The following PDE7B variants were observed in gnomAD, a reference collection of about 807,000 sequenced individuals.
PDE7B encodes 3',5'-cyclic-AMP phosphodiesterase 7B.
In PDE7B, 29 loss-of-function variants were observed where a neutral mutation model predicts 56.2. The ratio of observed to expected loss-of-function variants is 0.52; its 90% CI spans 0.38 to 0.70. The LOEUF (loss-of-function observed/expected upper bound fraction) is 0.70. Among genes scored for constraint, PDE7B ranks in the 30% least tolerant of loss-of-function variants. PDE7B has a pLI of 0.00. For synonymous variants in PDE7B, 197 were observed against 196.9 expected, an observed-to-expected ratio of 1.00 and a Z score of 0.00; for missense variants, 490 against 565.0, an observed-to-expected ratio of 0.87 and a Z score of 1.35.
At chr6:135,918,640 ATAAAT>A (rs1011436838) in intron 1 of PDE7B, among the ~76,000 whole-genome samples, 5 of 152,128 alleles carry the variant, frequency 3.3e-5, no homozygotes, top group African/African-American at 9.6e-5. Flanking sequence ...TAAATTTTAA[ATAAAT>A]TAAAAAATAT....
At chr6:135,870,101 G>T (rs538117142) in intron 1 of PDE7B, among the ~76,000 whole-genome samples, 1 of 152,172 alleles carries the variant, frequency 6.6e-6, no homozygotes, top group Non-Finnish European at 1.5e-5. Flanking sequence ...GGCTAGGGAC[G>T]ACATCATAAG....
chr6:136,156,833 T>A (rs1051173272), intron 8 of PDE7B, among the ~76,000 whole-genome samples: 1 of 152,188 alleles, frequency 6.6e-6, no homozygotes, highest in African/African-American at 2.4e-5. Context: ...TGTCAAAAAA[T>A]TGTGATCCCT....
Position 136,186,272 on chromosome 6 carries a change from A to C in PDE7B, c.1046-764A>C, listed in dbSNP as rs188501119. ...CTCTACTAAAAATAAAAATTTAAAA[A>C]TATACATTAGCCGGGCATGGTGGTG... On this transcript the variant is annotated intron_variant, in intron 11 of 12. Coordinates refer to ENST00000308191, the MANE Select transcript of PDE7B (RefSeq NM_018945.4). Among the ~76,000 whole-genome samples, 333 of 152,064 alleles carry C rather than the reference A, an allele frequency of 2.2e-3. 3 individuals are homozygous for C. The highest frequency in any genetic ancestry group is 2.6e-3 in the Non-Finnish European group (178 of 67,984).
At chr6:136,048,612 T>G (rs1776563661) in intron 2 of PDE7B, among the ~76,000 whole-genome samples, 1 of 152,316 alleles carries the variant, frequency 6.6e-6, no homozygotes, top group East Asian at 1.9e-4. Context: ...TGGCCTCATC[T>G]GTCTTTCTGA....
chr6:135,942,405 A>G (rs1774520936), intron 1 of PDE7B, among the ~76,000 whole-genome samples: 1 of 152,198 alleles, frequency 6.6e-6, no homozygotes. Flanking sequence ...TGTGTACAGC[A>G]TGATGCTTTG....
intron 1 of PDE7B, among the ~76,000 whole-genome samples, chr6:135,911,794 A>T (rs960832701): frequency 6.6e-6 from 1 of 152,236 alleles, no homozygotes; most frequent in Non-Finnish European, 1.5e-5. Flanking sequence ...GTACTACAAG[A>T]CTTCAAAGAG....
chr6:135,961,251 GTATA>G (rs774977841), intron 2 of PDE7B, among the ~76,000 whole-genome samples: 4 of 147,218 alleles, frequency 2.7e-5, no homozygotes, highest in African/African-American at 7.6e-5. Flanking sequence ...GTCATAGAGT[GTATA>G]TGTGTGTGTG....
At chr6:136,086,942 T>C (rs969397646) in intron 2 of PDE7B, among the ~76,000 whole-genome samples, 18 of 152,302 alleles carry the variant, frequency 1.2e-4, no homozygotes, top group African/African-American at 4.1e-4. Context: ...ACTGTGGGCA[T>C]CGTGCGCCAG....
At chr6:135,974,093 A>G (rs1393504101) in intron 2 of PDE7B, among the ~76,000 whole-genome samples, 1 of 152,222 alleles carries the variant, frequency 6.6e-6, no homozygotes, top group Non-Finnish European at 1.5e-5. Flanking sequence ...TGTTCTTTTC[A>G]GATGCCTAGA....
chr6:135,872,270 G>T (rs548219577), intron 1 of PDE7B, among the ~76,000 whole-genome samples: 4 of 152,220 alleles, frequency 2.6e-5, no homozygotes, highest in South Asian at 4.1e-4. Flanking sequence ...TATTCTCACA[G>T]CATCATTCAG....
intron 1 of PDE7B, among the ~76,000 whole-genome samples, chr6:135,919,178 G>A (rs1046978755): frequency 2.0e-5 from 3 of 152,184 alleles, no homozygotes; most frequent in Non-Finnish European, 4.4e-5. Context: ...TAGGCAGAGA[G>A]AACAAGCCAA....
At chr6:136,046,764 A>AT (rs1387302832) in intron 2 of PDE7B, among the ~76,000 whole-genome samples, 3 of 152,178 alleles carry the variant, frequency 2.0e-5, no homozygotes, top group Non-Finnish European at 4.4e-5. Flanking sequence ...CTCTTAATAT[A>AT]TTAAAGGGAT....
chr6:136,147,133 C>T (rs185129711), intron 3 of PDE7B, among the ~76,000 whole-genome samples: 2 of 149,798 alleles, frequency 1.3e-5, no homozygotes, highest in African/African-American at 5.0e-5. Context: ...CAGTGTGAGA[C>T]CCAGTCTCAA....
intron 2 of PDE7B, among the ~76,000 whole-genome samples, chr6:135,995,705 G>A (rs1361668344): frequency 1.3e-5 from 2 of 152,138 alleles, no homozygotes; most frequent in African/African-American, 4.8e-5. Flanking sequence ...GTTCTTACCA[G>A]CCCAGGGATA....
chr6:136,122,236 C>G (rs1413507937), intron 3 of PDE7B, among the ~76,000 whole-genome samples: 1 of 152,036 alleles, frequency 6.6e-6, no homozygotes, highest in Admixed American at 6.6e-5. Context: ...ACCCCATGAT[C>G]CGCCTGTCTC....
intron 2 of PDE7B, among the ~76,000 whole-genome samples, chr6:136,081,110 T>C (rs1170343321): frequency 6.6e-6 from 1 of 152,162 alleles, no homozygotes; most frequent in Non-Finnish European, 1.5e-5. Context: ...GGAGAGGCCC[T>C]TTATTTCACC....
At chr6:136,080,007 C>T (rs1362624145) in intron 2 of PDE7B, among the ~76,000 whole-genome samples, 1 of 152,064 alleles carries the variant, frequency 6.6e-6, no homozygotes, top group Non-Finnish European at 1.5e-5. Context: ...GGAACTGGAT[C>T]CAAACCAACC....
chr6:135,935,200 A>ATTTT (rs1338113176), intron 1 of PDE7B, among the ~76,000 whole-genome samples: 3 of 86,014 alleles, frequency 3.5e-5, no homozygotes, highest in South Asian at 3.6e-4. Context: ...TTATATATAT[A>ATTTT]TATATATATA....
intron 2 of PDE7B, among the ~76,000 whole-genome samples, chr6:135,967,832 A>G (rs1775022675): frequency 6.6e-6 from 1 of 152,202 alleles, no homozygotes; most frequent in South Asian, 2.1e-4. Context: ...AGCACATAAT[A>G]GATATCCACA....
Sources: gnomAD v4.1 joint callset for allele counts (sites outside exome capture counted in the v4.1 genomes callset) on GRCh38, gnomAD v4.1.1 for gene constraint, MANE v1.5 for transcripts, NCBI Gene and HGNC (gene_info 2026-07-23, HGNC 2026-07-21) for gene names.